SNTG2: variants seen among roughly 807,000 people sequenced by gnomAD.
The protein encoded by SNTG2 is gamma-2-syntrophin.
In SNTG2, 74 loss-of-function variants were observed where a neutral mutation model predicts 70.9. That is an observed-to-expected ratio of 1.04 (90% confidence interval 0.86 to 1.27). SNTG2 has a LOEUF of 1.27. Ranked by LOEUF, SNTG2 falls within the 50% of genes most tolerant of loss-of-function variation. The pLI is 0.00. For missense variants in SNTG2, 717 were observed against 690.7 expected, an observed-to-expected ratio of 1.04 and a Z score of -0.43; for synonymous variants, 278 against 273.8, an observed-to-expected ratio of 1.02 and a Z score of -0.15.
intron 14 of SNTG2, among the ~76,000 whole-genome samples, chr2:1,294,566 A>C (rs1484112356): frequency 6.6e-6 from 1 of 152,244 alleles, no homozygotes; most frequent in Non-Finnish European, 1.5e-5. Context: ...GGTTAAGATT[A>C]AAGAAATCTC....
chr2:1,362,354 C>G (rs896862508), intron 16 of SNTG2, among the ~76,000 whole-genome samples: 7 of 152,078 alleles, frequency 4.6e-5, no homozygotes, highest in African/African-American at 1.7e-4. Flanking sequence ...CGACGCTGAG[C>G]ATTTCAATAG....
At chr2:960,395 C>G (rs1218639012) in intron 1 of SNTG2, among the ~76,000 whole-genome samples, 1 of 152,210 alleles carries the variant, frequency 6.6e-6, no homozygotes, top group African/African-American at 2.4e-5. Flanking sequence ...GTGCACGATG[C>G]TTTTCAGGGT....
chr2:1,279,078 A>G (rs1679406928), intron 14 of SNTG2, among the ~76,000 whole-genome samples: 1 of 68,560 alleles, frequency 1.5e-5, no homozygotes, highest in Admixed American at 2.1e-4. Flanking sequence ...TGCGCGAATG[A>G]CCCCTCTGTC....
At chr2:1,098,126 T>C (rs1454104119) in intron 2 of SNTG2, 70 bp from the exon 3 acceptor site, 2 of 1,523,078 alleles carry the variant, frequency 1.3e-6, no homozygotes, top group East Asian at 2.3e-5. Context: ...AATGAAGAAT[T>C]TCTTTTGAAT....
chr2:1,154,890 A>C (rs1431529293), intron 6 of SNTG2, among the ~76,000 whole-genome samples: 1 of 151,270 alleles, frequency 6.6e-6, no homozygotes, highest in Non-Finnish European at 1.5e-5. Flanking sequence ...CACCACACAC[A>C]CAAAGACACA....
intron 16 of SNTG2, among the ~76,000 whole-genome samples, chr2:1,318,019 T>C (rs1681368249): frequency 6.6e-6 from 1 of 152,246 alleles, no homozygotes; most frequent in Admixed American, 6.5e-5. Context: ...GCACACTGTA[T>C]GTGATAAATT....
chr2:1,143,029 T>C (rs998109410), intron 6 of SNTG2, among the ~76,000 whole-genome samples: 1 of 152,178 alleles, frequency 6.6e-6, no homozygotes, highest in Non-Finnish European at 1.5e-5. Context: ...TGCTAAATTG[T>C]TGCCTCAGAA....
chr2:1,176,932 A>G (rs1335208329), intron 8 of SNTG2, among the ~76,000 whole-genome samples: 2 of 152,234 alleles, frequency 1.3e-5, no homozygotes, highest in Non-Finnish European at 2.9e-5. Flanking sequence ...TGATTCCTCA[A>G]AGGTCTAGAA....
At chr2:1,179,354 C>G (rs1466120099) in intron 8 of SNTG2, among the ~76,000 whole-genome samples, 1 of 152,104 alleles carries the variant, frequency 6.6e-6, no homozygotes, top group Non-Finnish European at 1.5e-5. Flanking sequence ...AGCTGATAAG[C>G]AACTTCAGCA....
chr2:1,083,316 C>T (rs928817463), intron 1 of SNTG2, among the ~76,000 whole-genome samples: 10 of 150,740 alleles, frequency 6.6e-5, no homozygotes, highest in African/African-American at 1.2e-4. Context: ...CCTACAAAAA[C>T]GGCTCAGGAA....
chr2:1,342,220 G>T (rs1465312194), intron 16 of SNTG2, among the ~76,000 whole-genome samples: 4 of 104,140 alleles, frequency 3.8e-5, no homozygotes, highest in Non-Finnish European at 5.5e-5. Context: ...GGCTTGTTAT[G>T]AATTATGTTA....
At chr2:1,320,289 C>T (rs1443064581) in intron 16 of SNTG2, among the ~76,000 whole-genome samples, 1 of 151,914 alleles carries the variant, frequency 6.6e-6, no homozygotes, top group African/African-American at 2.4e-5. Context: ...AATCTCAGCA[C>T]TTTGGGAGGC....
chr2:1,261,599 A>G (rs1344397647), intron 13 of SNTG2, among the ~76,000 whole-genome samples: 1 of 152,184 alleles, frequency 6.6e-6, no homozygotes. Flanking sequence ...AGCACTCTGG[A>G]CACTATGGAG....
chr2:1,057,033 CG>C (rs1326979062), intron 1 of SNTG2, among the ~76,000 whole-genome samples: 2 of 151,408 alleles, frequency 1.3e-5, no homozygotes, highest in African/African-American at 4.9e-5. Flanking sequence ...CTGCGGGGAA[CG>C]ATGCATGCCG....
chr2:1,152,009 C>T (rs1221034684), intron 6 of SNTG2, among the ~76,000 whole-genome samples: 3 of 152,162 alleles, frequency 2.0e-5, no homozygotes, highest in South Asian at 2.1e-4. Flanking sequence ...ATATTAAATA[C>T]GTAAGCATTT....
intron 9 of SNTG2, among the ~76,000 whole-genome samples, chr2:1,230,033 A>T (rs1366756138): frequency 6.6e-6 from 1 of 152,090 alleles, no homozygotes; most frequent in African/African-American, 2.4e-5. Context: ...CAGCCCAGAG[A>T]GGGGCTCCCA....
chr2:1,085,355 A>G (rs1228210423), intron 2 of SNTG2, among the ~76,000 whole-genome samples: 1 of 152,238 alleles, frequency 6.6e-6, no homozygotes, highest in African/African-American at 2.4e-5. Flanking sequence ...CAGGTTCTCT[A>G]CCAAAAGTTA....
chr2:1,036,801 A>G, intron 1 of SNTG2, among the ~76,000 whole-genome samples: 1 of 152,208 alleles, frequency 6.6e-6, no homozygotes, highest in South Asian at 2.1e-4. Context: ...CCCCTTATCA[A>G]AGGTAAACAA....
chr2:962,132 A>G (rs1265266214), intron 1 of SNTG2, among the ~76,000 whole-genome samples: 1 of 152,206 alleles, frequency 6.6e-6, no homozygotes, highest in Non-Finnish European at 1.5e-5. Flanking sequence ...TGGCATGATC[A>G]TAGCTTACTG....
Sources: allele counts gnomAD v4.1 joint callset (sites outside exome capture counted in the v4.1 genomes callset), GRCh38; gene constraint gnomAD v4.1.1; transcripts MANE v1.5; gene names NCBI Gene and HGNC (gene_info 2026-07-23, HGNC 2026-07-21).